The following GNB4 variants were observed in gnomAD, a reference collection of about 807,000 sequenced individuals.
GNB4 encodes the protein G protein subunit beta 4.
A neutral mutation model predicts 45.2 loss-of-function variants in GNB4; 28 were observed. The ratio of observed to expected loss-of-function variants is 0.62; its 90% CI spans 0.46 to 0.85. The LOEUF is 0.85. Among genes scored for constraint, GNB4 ranks in the 40% least tolerant of loss-of-function variants. The pLI, the probability that GNB4 is intolerant of heterozygous loss-of-function variation, is 0.00. For synonymous variants in GNB4, 132 were observed against 143.7 expected (o/e 0.92, Z 0.58); for missense variants, 321 against 425.4 (o/e 0.75, Z 2.16).
intron 1 of GNB4, among the ~76,000 whole-genome samples, chr3:179,441,032 A>G (rs1413293459): frequency 6.6e-6 from 1 of 152,202 alleles, no homozygotes; most frequent in Non-Finnish European, 1.5e-5. Context: ...TACATAAGAA[A>G]TGAGTATTAT....
At chr3:179,500,623 G>C in the GNB4 span, among the ~76,000 whole-genome samples, 3 of 152,296 alleles carry the variant, frequency 2.0e-5, no homozygotes, top group Admixed American at 2.0e-4. Flanking sequence ...TGTGATGAAA[G>C]TCAAGGATAG....
the GNB4 span, among the ~76,000 whole-genome samples, chr3:179,489,593 A>G: frequency 2.0e-5 from 3 of 152,198 alleles, no homozygotes; most frequent in Non-Finnish European, 4.4e-5. Context: ...GTGAGCTATG[A>G]TTCTGCCACT....
chr3:179,405,533 C>G lies in GNB4; in HGVS notation c.700-127G>C, dbSNP rs901137964. On this transcript the variant is annotated intron_variant, in intron 8 of 9. Transcript: ENST00000232564. ...CCTACCAGGTGAGCGATGTTGGGCA[C>G]TAAAGATTCTTAAATATTTTGAGCC... 11 of 612,684 alleles carry G rather than the reference C, an allele frequency of 1.8e-5. No homozygotes were observed. The African/African-American group carries it at 2.0e-4, about 11-fold the overall frequency. 38.0% of individuals were successfully genotyped at this position (612,684 alleles called of 1,614,324 possible).
At chr3:179,466,022 T>G in the GNB4 span, among the ~76,000 whole-genome samples, 10 of 149,318 alleles carry the variant, frequency 6.7e-5, no homozygotes, top group Non-Finnish European at 1.5e-4. Context: ...TTTTTTTTTT[T>G]TTTTTTGAGA....
chr3:179,495,662 G>A, the GNB4 span, among the ~76,000 whole-genome samples: 2 of 149,964 alleles, frequency 1.3e-5, no homozygotes, highest in African/African-American at 2.5e-5. Context: ...AAGGAAGGAA[G>A]GAAGGGAAGG....
chr3:179,498,755 T>G, the GNB4 span, among the ~76,000 whole-genome samples: 4 of 145,560 alleles, frequency 2.7e-5, no homozygotes, highest in Admixed American at 6.7e-5. Flanking sequence ...TTTGGTTTTT[T>G]TTTTTTTTTT....
At chr3:179,510,143 A>G in the GNB4 span, among the ~76,000 whole-genome samples, 7 of 151,142 alleles carry the variant, frequency 4.6e-5, no homozygotes, top group African/African-American at 1.7e-4. Flanking sequence ...TTTTTTTTTT[A>G]CAAAAAGAGA....
At chr3:179,468,035 A>AAAAAAAAAATATATAT in the GNB4 span, among the ~76,000 whole-genome samples, 189 of 89,868 alleles carry the variant, frequency 2.1e-3, 10 homozygotes, top group East Asian at 3.3e-3. Context: ...TGTTGATAAA[A>AAAAAAAAAATATATAT]ATATATATAT....
At chr3:179,489,659 A>T in the GNB4 span, among the ~76,000 whole-genome samples, 2 of 152,228 alleles carry the variant, frequency 1.3e-5, no homozygotes, top group East Asian at 1.9e-4. Flanking sequence ...ATGTTTAATT[A>T]AAAAAATTAA....
chr3:179,409,818 A>C (rs1422988798), intron 8 of GNB4, among the ~76,000 whole-genome samples: 5 of 117,792 alleles, frequency 4.2e-5, no homozygotes, highest in South Asian at 5.9e-4. Flanking sequence ...CAAAAAAAAA[A>C]ACAAAAAAAC....
chr3:179,431,610 T>C lies in GNB4; in HGVS notation c.-42-5368A>G, dbSNP rs538795565. ...TTGTCCTACACAATGTACCCCAATC[T>C]GTTTACTTCTTATGGTACTGTTTAA... On this transcript the variant is annotated intron_variant, in intron 1 of 9. Transcript: ENST00000232564. Among the ~76,000 whole-genome samples the C allele has an allele frequency of 2.6e-5, 4 of 151,880 alleles. No individual in the cohort carries two copies. The South Asian group carries it at 8.3e-4, about 32-fold the overall frequency.
the GNB4 span, among the ~76,000 whole-genome samples, chr3:179,468,927 C>T: frequency 6.6e-6 from 1 of 152,138 alleles, no homozygotes; most frequent in Non-Finnish European, 1.5e-5. Flanking sequence ...CTCTCTGAAG[C>T]CTGCTACCTG....
At chr3:179,458,566 C>T in the GNB4 span, among the ~76,000 whole-genome samples, 1 of 152,086 alleles carries the variant, frequency 6.6e-6, no homozygotes, top group Non-Finnish European at 1.5e-5. Context: ...TCCAGGACCC[C>T]CGCGGATACC....
chr3:179,473,005 T>C, the GNB4 span, among the ~76,000 whole-genome samples: 1 of 152,042 alleles, frequency 6.6e-6, no homozygotes, highest in Non-Finnish European at 1.5e-5. Context: ...CTACTAAAAA[T>C]ACAAAAAGTT....
intron 1 of GNB4, among the ~76,000 whole-genome samples, chr3:179,429,142 C>T (rs950021224): frequency 2.0e-5 from 3 of 152,232 alleles, no homozygotes; most frequent in Admixed American, 2.0e-4. Context: ...CTTGGGCCAT[C>T]TCTCAGGGTT....
the GNB4 span, among the ~76,000 whole-genome samples, chr3:179,504,840 G>GATGACCCTA: frequency 1.3e-5 from 2 of 152,150 alleles, no homozygotes; most frequent in African/African-American, 2.4e-5. Context: ...TGCCTGACAA[G>GATGACCCTA]ATGACCCTAA....
chr3:179,438,479 G>C (rs1282509870), intron 1 of GNB4, among the ~76,000 whole-genome samples: 1 of 152,184 alleles, frequency 6.6e-6, no homozygotes, highest in African/African-American at 2.4e-5. Context: ...AAGTCAATTT[G>C]GCCCAGCAAG....
chr3:179,506,697 T>A, the GNB4 span, among the ~76,000 whole-genome samples: 1 of 152,204 alleles, frequency 6.6e-6, no homozygotes, highest in Non-Finnish European at 1.5e-5. Context: ...ACTGTTTAGA[T>A]TATTGAAGTC....
At chr3:179,496,633 A>C in the GNB4 span, among the ~76,000 whole-genome samples, 1 of 152,174 alleles carries the variant, frequency 6.6e-6, no homozygotes, top group East Asian at 1.9e-4. Context: ...GGCTGAAAAT[A>C]AAAGAATGGA....
Sources: gnomAD v4.1 joint callset for allele counts (sites outside exome capture counted in the v4.1 genomes callset) on GRCh38, gnomAD v4.1.1 for gene constraint, MANE v1.5 for transcripts, NCBI Gene and HGNC (gene_info 2026-07-23, HGNC 2026-07-21) for gene names.